PROM1: variants seen among roughly 807,000 people sequenced by gnomAD.
PROM1 encodes prominin-1.
PROM1 carries 105 observed loss-of-function variants against 116.9 expected under a neutral mutation model. That is an observed-to-expected ratio of 0.90 (90% CI 0.77 to 1.06). The LOEUF is 1.06. PROM1 is among the 50% of genes least tolerant of loss of function. The pLI, the probability that PROM1 is intolerant of heterozygous loss-of-function variation, is 0.00. For missense variants in PROM1, 1,122 were observed against 1,045.2 expected, an observed-to-expected ratio of 1.07 and a Z score of -1.01; for synonymous variants, 393 against 387.0, an observed-to-expected ratio of 1.02 and a Z score of -0.18.
At position 16,075,950 on chromosome 4, in the gene PROM1, C is replaced by T; in HGVS notation, c.-44G>A. On this transcript the variant is annotated 5_prime_UTR_variant, in exon 2 of 28. Transcript: ENST00000447510. The stretch of plus-strand genomic sequence containing the variant: ...AACATGAGGTAGAACTTGGTGCCTC[C>T]TGCCTCAGAGCTTCTGGAAGCCTTG... The T allele has an allele frequency of 1.3e-6, 2 of 1,540,336 alleles. No individual in the cohort carries two copies. The highest frequency in any genetic ancestry group is 1.8e-6 in the Non-Finnish European group (2 of 1,141,040).
At chr4:16,009,156 T>C in intron 11 of PROM1, 48 bp from the exon 12 acceptor site, 4 of 1,549,550 alleles carry the variant, frequency 2.6e-6, no homozygotes, top group East Asian at 4.5e-5. Context: ...ATGGAGGAAA[T>C]AGAAACTTTG....
At chr4:16,013,457 T>C in intron 10 of PROM1, 119 bp from the exon 11 acceptor site, 1 of 692,288 alleles carries the variant, frequency 1.4e-6, no homozygotes. Flanking sequence ...ACATTCATCT[T>C]AAGGGTGAAA....
In PROM1 at chr4:16,061,888, CTTTTTTTTTTT is replaced by C. The variant is rs34310500; in HGVS notation, c.220+13788_220+13798del. ...CTGTGTGTGTGTGTTTACAAATTTC[CTTTTTTTTTTT>C]TTTTTTTTTTGAGACGGAGTCTCGC... On this transcript the variant is annotated intron_variant, in intron 2 of 27. Transcript: ENST00000447510. Among the ~76,000 whole-genome samples, 2 of 85,732 alleles carry C rather than the reference CTTTTTTTTTTT, an allele frequency of 2.3e-5. 1 individual carries two copies. Among genetic ancestry groups the C allele is most frequent in the African/African-American group, 9.1e-5 (2 of 22,082 alleles). 56.2% of individuals were successfully genotyped at this position (85,732 alleles called of 152,430 possible).
intron 10 of PROM1, among the ~76,000 whole-genome samples, chr4:16,013,840 A>G (rs2058158541): frequency 6.6e-6 from 1 of 152,190 alleles, no homozygotes; most frequent in Admixed American, 6.5e-5. Context: ...TGCTGAGGTT[A>G]AGAGACACTG....
intron 2 of PROM1, among the ~76,000 whole-genome samples, chr4:16,061,938 C>G (rs1740419175): frequency 7.2e-6 from 1 of 138,656 alleles, no homozygotes; most frequent in African/African-American, 2.7e-5. Flanking sequence ...GTCGCCCAGG[C>G]TGGAGTGCAG....
At chr4:16,040,650 C>A (rs1044353764) in intron 2 of PROM1, among the ~76,000 whole-genome samples, 1 of 152,214 alleles carries the variant, frequency 6.6e-6, no homozygotes, top group Non-Finnish European at 1.5e-5. Context: ...TGAATAACTG[C>A]TACGAACATG....
At chr4:15,972,271 A>G (rs1268034215) in intron 26 of PROM1, among the ~76,000 whole-genome samples, 1 of 152,236 alleles carries the variant, frequency 6.6e-6, no homozygotes, top group East Asian at 1.9e-4. Context: ...TTCTGCTGCT[A>G]TAACAGAATA....
At chr4:15,983,561 C>A (rs923329437) in intron 23 of PROM1, among the ~76,000 whole-genome samples, 1 of 151,990 alleles carries the variant, frequency 6.6e-6, no homozygotes, top group Non-Finnish European at 1.5e-5. Flanking sequence ...CCAGTCCAGG[C>A]AGAAGAAACG....
At chr4:15,982,279 T>C (rs891931647) in intron 23 of PROM1, among the ~76,000 whole-genome samples, 3 of 152,210 alleles carry the variant, frequency 2.0e-5, no homozygotes, top group Non-Finnish European at 4.4e-5. Context: ...TGACCCTGCA[T>C]TTCTGCTTTG....
intron 2 of PROM1, among the ~76,000 whole-genome samples, chr4:16,063,595 C>T (rs1298396942): frequency 6.6e-6 from 1 of 152,074 alleles, no homozygotes; most frequent in East Asian, 1.9e-4. Flanking sequence ...GACTCCATCT[C>T]AAACAAAATA....
Position 16,032,260 on chromosome 4 carries a change from C to T in PROM1, c.509+1044G>A, listed in dbSNP as rs114140428. On this transcript the variant is annotated intron_variant, in intron 5 of 27. Transcript: ENST00000447510. Reference sequence around the variant, plus strand: ...AACAAATCCAGAGCTGCCCAGTCCTCTTCAATGGGTACACTGCATTCCAAT... The same window carrying T: ...AACAAATCCAGAGCTGCCCAGTCCTTTTCAATGGGTACACTGCATTCCAAT... Among the ~76,000 whole-genome samples the T allele has an allele frequency of 5.9e-3, 897 of 152,186 alleles. 9 individuals are homozygous for T. Among genetic ancestry groups the T allele is most frequent in the African/African-American group, 0.02 (841 of 41,500 alleles).
chr4:16,005,834 T>G (rs1484109450), intron 13 of PROM1, among the ~76,000 whole-genome samples: 2 of 152,230 alleles, frequency 1.3e-5, no homozygotes, highest in Non-Finnish European at 2.9e-5. Context: ...TTCAAAGCCA[T>G]TACACCACAT....
chr4:16,010,478 A>C (rs1413270449), intron 11 of PROM1, among the ~76,000 whole-genome samples: 2 of 152,140 alleles, frequency 1.3e-5, no homozygotes, highest in Admixed American at 6.5e-5. Flanking sequence ...TTGGTCCAAA[A>C]CGTAATCACA....
intron 1 of PROM1, among the ~76,000 whole-genome samples, chr4:16,081,071 T>A (rs150320845): frequency 0.018 from 2,656 of 150,928 alleles, 46 homozygotes; most frequent in Non-Finnish European, 0.025. Flanking sequence ...GTATATATAT[T>A]TTTTTATTAT....
At chr4:16,062,114 G>A (rs1404754088) in intron 2 of PROM1, among the ~76,000 whole-genome samples, 1 of 151,826 alleles carries the variant, frequency 6.6e-6, no homozygotes, top group Non-Finnish European at 1.5e-5. Flanking sequence ...GGCTGGTCTC[G>A]ATCTCCTGAC....
At chr4:16,039,521 C>T (rs1239458233) in intron 2 of PROM1, among the ~76,000 whole-genome samples, 2 of 152,152 alleles carry the variant, frequency 1.3e-5, no homozygotes, top group South Asian at 2.1e-4. Context: ...GTGGATCACC[C>T]GAGGCCAGGA....
chr4:16,006,946 C>A (rs1388358616), intron 12 of PROM1, among the ~76,000 whole-genome samples: 2 of 152,158 alleles, frequency 1.3e-5, no homozygotes, highest in African/African-American at 2.4e-5. Context: ...ATCATTGCCT[C>A]CTTCCTTTGC....
chr4:16,013,705 C>T (rs1396946274), intron 10 of PROM1, among the ~76,000 whole-genome samples: 1 of 152,078 alleles, frequency 6.6e-6, no homozygotes, highest in African/African-American at 2.4e-5. Flanking sequence ...AGTCTGGAGA[C>T]ATTTTGGTTA....
chr4:16,068,349 T>C (rs368252271), intron 2 of PROM1, among the ~76,000 whole-genome samples: 2 of 152,254 alleles, frequency 1.3e-5, no homozygotes, highest in African/African-American at 4.8e-5. Context: ...AGTTGTTATC[T>C]GGCTTTCCAA....
Sources: allele counts gnomAD v4.1 joint callset (sites outside exome capture counted in the v4.1 genomes callset), GRCh38; gene constraint gnomAD v4.1.1; transcripts MANE v1.5; gene names NCBI Gene and HGNC (gene_info 2026-07-23, HGNC 2026-07-21).